AKAP13: variants seen among roughly 807,000 people sequenced by gnomAD.
AKAP13 encodes the protein A-kinase anchor protein 13.
Under a neutral mutation model 264.5 loss-of-function variants are expected in AKAP13, and 80 were observed. That is an observed-to-expected ratio of 0.30 (90% CI 0.25 to 0.36). The LOEUF is 0.36. AKAP13 is among the 10% of genes least tolerant of loss of function. The pLI is 1.00. For missense variants in AKAP13, 3,712 were observed against 3,435.2 expected (o/e 1.08, Z -2.01); for synonymous variants, 1,380 against 1,250.2 (o/e 1.10, Z -2.19).
chr15:85,671,249 T>TA (rs1241886247), intron 14 of AKAP13, among the ~76,000 whole-genome samples: 1 of 151,950 alleles, frequency 6.6e-6, no homozygotes, highest in Non-Finnish European at 1.5e-5. Context: ...TCCTAATTTT[T>TA]AAAATTTTCA....
At chr15:85,683,703 T>C (rs988634183) in intron 15 of AKAP13, 3 of 152,160 alleles carry the variant, frequency 2.0e-5, no homozygotes, top group Non-Finnish European at 2.9e-5. Context: ...ACTCCTGACC[T>C]CGTGATCCGC....
chr15:85,607,497 C>A (rs1414539326), intron 8 of AKAP13, among the ~76,000 whole-genome samples: 1 of 151,922 alleles, frequency 6.6e-6, no homozygotes, highest in Admixed American at 6.6e-5. Context: ...TTTTTATCCC[C>A]ATTTTGTAGG....
chr15:85,571,139 T>C (rs1012486581), intron 5 of AKAP13, among the ~76,000 whole-genome samples: 18 of 152,118 alleles, frequency 1.2e-4, no homozygotes, highest in African/African-American at 4.3e-4. Flanking sequence ...AGTAAAAGGA[T>C]TACTGAGCAG....
rs561299247 is a variant in AKAP13, at chr15:85,555,202, C to T, written c.662+11247C>T. Among the ~76,000 whole-genome samples the T allele has an allele frequency of 7.8e-4, 119 of 152,240 alleles. No homozygotes were observed. The Middle Eastern group carries it at 0.02, about 26-fold the overall frequency. On this transcript the variant is annotated intron_variant, in intron 5 of 36. Transcript: ENST00000394518. ...GGATTAGCTACCCCCCACCCCCTAC[C>T]CCTTTCTGGCATTTAGCTTCTCCAG...
chr15:85,733,097 C>G (rs2088173442), intron 30 of AKAP13, among the ~76,000 whole-genome samples: 1 of 152,176 alleles, frequency 6.6e-6, no homozygotes, highest in Non-Finnish European at 1.5e-5. Context: ...CAGTCACCCT[C>G]TAGTCATGTG....
At chr15:85,387,329 CCGT>C (rs2070621600) in intron 1 of AKAP13, among the ~76,000 whole-genome samples, 1 of 151,908 alleles carries the variant, frequency 6.6e-6, no homozygotes, top group African/African-American at 2.4e-5. Flanking sequence ...GAACGAGAGT[CCGT>C]CTTAAAAAAA....
chr15:85,502,281 T>C (rs1371572804), intron 2 of AKAP13, among the ~76,000 whole-genome samples: 1 of 152,236 alleles, frequency 6.6e-6, no homozygotes, highest in Non-Finnish European at 1.5e-5. Flanking sequence ...TAGGGTAGTA[T>C]GTATATTACA....
intron 5 of AKAP13, among the ~76,000 whole-genome samples, chr15:85,573,130 C>G (rs974078589): frequency 6.6e-6 from 1 of 152,158 alleles, no homozygotes; most frequent in African/African-American, 2.4e-5. Context: ...AGTAATCTTT[C>G]TCATATTTTT....
At chr15:85,592,384 T>C (rs1355224070) in intron 8 of AKAP13, among the ~76,000 whole-genome samples, 2 of 152,194 alleles carry the variant, frequency 1.3e-5, no homozygotes, top group Admixed American at 6.5e-5. Flanking sequence ...CTAGGCTATT[T>C]GGTGACTAAT....
At chr15:85,508,962 A>T (rs1164617706) in intron 2 of AKAP13, among the ~76,000 whole-genome samples, 1 of 152,054 alleles carries the variant, frequency 6.6e-6, no homozygotes, top group Non-Finnish European at 1.5e-5. Context: ...TCTCATCCCT[A>T]TTTCAGACAA....
chr15:85,464,071 C>G (rs1285153557), intron 1 of AKAP13, among the ~76,000 whole-genome samples: 2 of 152,186 alleles, frequency 1.3e-5, no homozygotes, highest in Non-Finnish European at 2.9e-5. Flanking sequence ...TTGAACCACC[C>G]CGATGATCAC....
At chr15:85,424,248 T>C (rs761868255) in intron 1 of AKAP13, among the ~76,000 whole-genome samples, 13 of 152,238 alleles carry the variant, frequency 8.5e-5, no homozygotes, top group Non-Finnish European at 1.3e-4. Context: ...AGTATAAGGC[T>C]GTTTTGTCTA....
chr15:85,476,599 A>G (rs2075171819), intron 1 of AKAP13, among the ~76,000 whole-genome samples: 2 of 152,242 alleles, frequency 1.3e-5, no homozygotes, highest in South Asian at 4.1e-4. Context: ...AGGAAAATAA[A>G]GCTTGGTAGT....
chr15:85,476,470 A>G (rs146808493), intron 1 of AKAP13, among the ~76,000 whole-genome samples: 1 of 152,392 alleles, frequency 6.6e-6, no homozygotes, highest in Non-Finnish European at 1.5e-5. Flanking sequence ...AAAGGCTATC[A>G]TGTAATTCAT....
chr15:85,722,897 GAATCAAACTT>G (rs1470191786), intron 25 of AKAP13, among the ~76,000 whole-genome samples, 165 bp from the exon 26 acceptor site: 1 of 151,902 alleles, frequency 6.6e-6, no homozygotes, highest in African/African-American at 2.4e-5. Context: ...ACTTTTTTTA[GAATCAAACTT>G]ATGACAGCAA....
chr15:85,677,021 C>T (rs2084264937), intron 14 of AKAP13: 1 of 985,366 alleles, frequency 1.0e-6, no homozygotes, highest in Non-Finnish European at 1.2e-6. Flanking sequence ...ATCAGCATCT[C>T]TCCGCTCCTC....
chr15:85,688,862 T>G (rs1434536630), intron 16 of AKAP13, among the ~76,000 whole-genome samples: 2 of 152,214 alleles, frequency 1.3e-5, no homozygotes, highest in African/African-American at 4.8e-5. Context: ...GCAGGAAGAC[T>G]GGCAGTTTCT....
intron 1 of AKAP13, among the ~76,000 whole-genome samples, chr15:85,388,065 C>G (rs563074006): frequency 1.3e-5 from 2 of 148,760 alleles, no homozygotes; most frequent in Non-Finnish European, 1.5e-5. Flanking sequence ...GATAGAGACT[C>G]GCTCTGTCAC....
rs562921640 is a variant in AKAP13 at position 85,598,739 on chromosome 15, G to C, written c.4161+12916G>C. Among the ~76,000 whole-genome samples the C allele has an allele frequency of 3.9e-5, 6 of 152,246 alleles. No homozygotes were observed. The East Asian group carries it at 1.2e-3, about 29-fold the overall frequency. ...AACCAGGAGTTGACACCTGGGTCGT[G>C]GGAACTCAGAGAAGGAATTTTCCAT... On this transcript the variant is annotated intron_variant, in intron 8 of 36. Transcript: ENST00000394518.
Sources: gnomAD v4.1 joint callset for allele counts (sites outside exome capture counted in the v4.1 genomes callset) on GRCh38, gnomAD v4.1.1 for gene constraint, MANE v1.5 for transcripts, NCBI Gene and HGNC (gene_info 2026-07-23, HGNC 2026-07-21) for gene names.